The following FOCAD variants were observed in gnomAD, a reference collection of about 807,000 sequenced individuals.
The protein encoded by FOCAD is focadhesin.
FOCAD carries 198 observed loss-of-function variants against 225.6 expected under a neutral mutation model. The observed-to-expected ratio is 0.88, with a 90% CI of 0.78 to 0.99. FOCAD has a LOEUF of 0.99. Among genes scored for constraint, FOCAD ranks in the 50% least tolerant of loss-of-function variants. The pLI, the probability that FOCAD is intolerant of heterozygous loss-of-function variation, is 0.00. For missense variants in FOCAD, 2,713 were observed against 2,123.6 expected (o/e 1.28, Z -5.46); for synonymous variants, 897 against 755.0 (o/e 1.19, Z -3.08).
At chr9:20,848,842 TG>T (rs1466916680) in intron 15 of FOCAD, among the ~76,000 whole-genome samples, 3 of 151,906 alleles carry the variant, frequency 2.0e-5, no homozygotes, top group African/African-American at 7.2e-5. Flanking sequence ...TTTCCTGTTG[TG>T]GGATACTTAA....
Position 20,946,738 on chromosome 9 carries a change from C to T in FOCAD, c.3593C>T (p.Ala1198Val), listed in dbSNP as rs775748154. ...AYTLSCVCTS[A>V]FSAGIIEATE... ...ACACTTAGCTGTGTATGTACATCAG[C>T]GTTCAGTGCTGGAATTATTGAGGCT... The change falls in exon 30 of 44, where the codon GCG becomes GTG. Residue 1198 changes from alanine to valine, a missense_variant. By Grantham distance (64) the Ala-to-Val change is moderately conservative. Coordinates refer to ENST00000338382, the MANE Select transcript of FOCAD (RefSeq NM_001375567.1). 5.6e-6 allele frequency: 9 copies of T among 1,613,580 alleles called. No homozygotes were observed. The highest frequency in any genetic ancestry group is 3.3e-5 in the South Asian group (3 of 91,076).
At chr9:20,847,563 T>C (rs1827243961) in intron 15 of FOCAD, among the ~76,000 whole-genome samples, 1 of 151,876 alleles carries the variant, frequency 6.6e-6, no homozygotes, top group Admixed American at 6.6e-5. Context: ...ATTTAGTTGG[T>C]GTGACAAGAA....
chr9:20,936,293 A>T (rs1587660955), intron 28 of FOCAD, among the ~76,000 whole-genome samples: 2 of 152,234 alleles, frequency 1.3e-5, no homozygotes, highest in Non-Finnish European at 1.5e-5. Context: ...TTAGGAACTT[A>T]TGATTTACAG....
At chr9:20,922,100 G>A (rs764810581) in intron 24 of FOCAD, among the ~76,000 whole-genome samples, 6 of 152,202 alleles carry the variant, frequency 3.9e-5, no homozygotes, top group Non-Finnish European at 7.3e-5. Flanking sequence ...TTTTGTTTTT[G>A]TTAAATGATT....
chr9:20,922,693 G>T (rs1012615943), intron 24 of FOCAD, among the ~76,000 whole-genome samples: 2 of 152,168 alleles, frequency 1.3e-5, no homozygotes, highest in Non-Finnish European at 2.9e-5. Context: ...ACTGAATTCA[G>T]ATTCGGGTTT....
intron 15 of FOCAD, among the ~76,000 whole-genome samples, chr9:20,859,817 A>G (rs979424260): frequency 4.0e-5 from 6 of 151,084 alleles, no homozygotes; most frequent in African/African-American, 1.2e-4. Context: ...CAAAGAGCAC[A>G]TGTTATATTA....
intron 5 of FOCAD, among the ~76,000 whole-genome samples, chr9:20,744,436 A>G (rs1827880942): frequency 6.6e-6 from 1 of 152,208 alleles, no homozygotes; most frequent in African/African-American, 2.4e-5. Context: ...CTTAAACAAG[A>G]TTAGGCATAG....
In FOCAD at chr9:20,813,161, A is replaced by G. The variant is rs192836460; in HGVS notation, c.1456-6635A>G. ...TATTTCACTTAGCATTGTGTCCTCA[A>G]GGTTCATCTAAGTTGTAGTATATGA... On this transcript the variant is annotated intron_variant, in intron 11 of 43. Coordinates refer to ENST00000338382, the MANE Select transcript of FOCAD (RefSeq NM_001375567.1). Among the ~76,000 whole-genome samples, 5 of 152,228 alleles carry G rather than the reference A, an allele frequency of 3.3e-5. No individual in the cohort carries two copies. The East Asian group carries it at 9.6e-4, about 29-fold the overall frequency.
chr9:20,865,798 C>T (rs546259552), intron 16 of FOCAD, 128 bp from the exon 17 acceptor site: 8 of 609,556 alleles, frequency 1.3e-5, no homozygotes, highest in East Asian at 3.0e-5. Flanking sequence ...GGTGAATACA[C>T]ATTAAGTGAA....
Position 20,688,365 on chromosome 9 carries a change from T to A in FOCAD, c.-33+4072T>A, listed in dbSNP as rs189353978. ...CAGATGGATGTAGGGGATGAAGGAG[T>A]GATGGAGTCAAGGATACCTCCTAGG... On this transcript the variant is annotated intron_variant, in intron 1 of 43. Transcript: ENST00000338382. 2.6e-5 allele frequency among the ~76,000 whole-genome samples: 4 copies of A among 151,842 alleles called. No homozygotes were observed. In the East Asian group the frequency reaches 7.8e-4, roughly 29 times the overall value.
chr9:20,763,098 T>C (rs904160022), intron 6 of FOCAD, among the ~76,000 whole-genome samples: 1 of 152,208 alleles, frequency 6.6e-6, no homozygotes, highest in African/African-American at 2.4e-5. Context: ...TCATTCCTTA[T>C]ATATAAGAAT....
At chr9:20,715,851 A>G (rs1057055136) in intron 2 of FOCAD, among the ~76,000 whole-genome samples, 5 of 152,226 alleles carry the variant, frequency 3.3e-5, no homozygotes, top group African/African-American at 9.6e-5. Flanking sequence ...AAAATTTGAT[A>G]TATCTACTAA....
chr9:20,788,456 G>A (rs1242041646), intron 10 of FOCAD, among the ~76,000 whole-genome samples: 1 of 152,184 alleles, frequency 6.6e-6, no homozygotes, highest in East Asian at 1.9e-4. Context: ...GCCTTTTATA[G>A]TATGCAAATT....
At chr9:20,828,782 C>G (rs1302374423) in intron 15 of FOCAD, among the ~76,000 whole-genome samples, 6 of 152,142 alleles carry the variant, frequency 3.9e-5, no homozygotes, top group Non-Finnish European at 5.9e-5. Context: ...AATGCTCTCT[C>G]TCCCCGCAAC....
At chr9:20,932,154 A>C (rs1224730787) in intron 27 of FOCAD, among the ~76,000 whole-genome samples, 1 of 152,150 alleles carries the variant, frequency 6.6e-6, no homozygotes, top group African/African-American at 2.4e-5. Flanking sequence ...AGTTAAAGCT[A>C]TTAAGTCTGT....
intron 35 of FOCAD, among the ~76,000 whole-genome samples, chr9:20,953,756 C>T (rs906294059): frequency 2.0e-5 from 3 of 152,230 alleles, no homozygotes; most frequent in South Asian, 2.1e-4. Context: ...GCTTCGTTAC[C>T]GTGATATTCT....
chr9:20,762,190 A>G (rs10964688), intron 6 of FOCAD, among the ~76,000 whole-genome samples: 1 of 152,106 alleles, frequency 6.6e-6, no homozygotes, highest in East Asian at 1.9e-4. Flanking sequence ...ATACATTATT[A>G]AAGAGAGATG....
At chr9:20,820,512 G>T in intron 13 of FOCAD, 87 bp downstream of exon 13, 1 of 1,187,178 alleles carries the variant, frequency 8.4e-7, no homozygotes. Flanking sequence ...CAATGCTTTG[G>T]TTTAGTGGTA....
rs560408155 is a variant in FOCAD, at chr9:20,692,597, G to A, written c.-33+8304G>A. ...GGCAGCTCTTTTGCTGGTCTTGCCCGTGCTCACTCATGTAGTGATCGGCAC... is the reference window on the plus strand; with the variant it reads ...GGCAGCTCTTTTGCTGGTCTTGCCCATGCTCACTCATGTAGTGATCGGCAC... On this transcript the variant is annotated intron_variant, in intron 1 of 43. Transcript: ENST00000338382. 3.9e-5 allele frequency among the ~76,000 whole-genome samples: 6 copies of A among 152,298 alleles called. 1 individual carries two copies. Among genetic ancestry groups the A allele is most frequent in the South Asian group, 2.1e-4 (1 of 4,832 alleles).
Sources: allele counts gnomAD v4.1 joint callset (sites outside exome capture counted in the v4.1 genomes callset), GRCh38; gene constraint gnomAD v4.1.1; transcripts MANE v1.5; gene names NCBI Gene and HGNC (gene_info 2026-07-23, HGNC 2026-07-21).